The following OTOG variants were observed in gnomAD, a reference collection of about 807,000 sequenced individuals.
OTOG encodes the protein otogelin.
OTOG carries 296 observed loss-of-function variants against 313.8 expected under a neutral mutation model. That is an observed-to-expected ratio of 0.94 (90% CI 0.86 to 1.04). OTOG has a LOEUF of 1.04. Ranked by LOEUF, OTOG falls within the 50% of genes least tolerant of loss-of-function variation. OTOG has a pLI of 0.00. For missense variants in OTOG, 3,948 were observed against 3,840.1 expected (o/e 1.03, Z -0.74); for synonymous variants, 1,533 against 1,554.9 (o/e 0.99, Z 0.33).
In OTOG at chr11:17,612,641, A is replaced by C; in HGVS notation, c.6314A>C (p.Asp2105Ala). 1 of 1,550,484 alleles carries C rather than the reference A, an allele frequency of 6.4e-7. No homozygotes were observed. Among genetic ancestry groups the C allele is most frequent in the Non-Finnish European group, 8.7e-7 (1 of 1,146,930 alleles). The change falls in exon 38 of 56, where the codon GAC becomes GCC. Residue 2105 changes from aspartate (D) to alanine (A), a missense_variant. By Grantham distance (126) the Asp-to-Ala change is moderately radical. Transcript: ENST00000399397. ...CCAGGCCGGTGCTCAATCTTCCCTG[A>C]CCTGAGCTTCGTGACCTTCGATGGG... ...ECACRCSIFP[D>A]LSFVTFDGSH...
In OTOG at chr11:17,596,972, GGGT is replaced by G; in HGVS notation, c.3650_3652del (p.Val1217del). The G allele has an allele frequency of 6.4e-7, 1 of 1,550,554 alleles. No individual in the cohort carries two copies. Among genetic ancestry groups the G allele is most frequent in the South Asian group, 1.2e-5 (1 of 84,052 alleles). ...TATGCCCACCAGTGTTGCCAGCATG[GGGT>G]GGCTGTTGACTGGCGAACCCCCCGC... On this transcript the variant is annotated inframe_deletion, in exon 30 of 56. Coordinates refer to ENST00000399397, the MANE Select transcript of OTOG (RefSeq NM_001292063.2).
Position 17,610,138 on chromosome 11 carries a change from TC to T in OTOG, c.4841del (p.Pro1614ArgfsTer3). 1 of 1,550,562 alleles carries T rather than the reference TC, an allele frequency of 6.4e-7. No individual in the cohort carries two copies. The highest frequency in any genetic ancestry group is 8.7e-7 in the Non-Finnish European group (1 of 1,146,972). On this transcript the variant is annotated frameshift_variant, in exon 36 of 56. Transcript: ENST00000399397. LOFTEE classifies it high-confidence loss of function. ...VSSRSPPAPR[F>X]PLMTKAVTVR... ...TCCCGGTCGCCCCCTGCCCCTCGCT[TC>T]CCGCTCATGACCAAGGCTGTGACAG...
chr11:17,593,175 C>A lies in OTOG; in HGVS notation c.3007-18C>A, dbSNP rs539587218. ...CCTTTCTCCCTTGTTTTATTGGACT[C>A]ACTTATTCTCTCCTCAGAGCACATC... On this transcript the variant is annotated intron_variant, in intron 25 of 55. Transcript: ENST00000399397. The A allele has an allele frequency of 1.9e-6, 3 of 1,547,142 alleles. No homozygotes were observed. The South Asian group carries it at 3.6e-5, about 19-fold the overall frequency.
chr11:17,604,852 C>T (rs11024338), intron 32 of OTOG, among the ~76,000 whole-genome samples: 36,374 of 152,204 alleles, frequency 0.24, 4,738 homozygotes, highest in African/African-American at 0.33. Flanking sequence ...TGGCACGTAG[C>T]GAGTCATGTG....
Position 17,562,056 on chromosome 11 carries a change from T to A in OTOG, c.1644+249T>A, listed in dbSNP as rs1222670772. ...ACTACCTAAAAAAAAAATATATATA[T>A]ATATATATATATATATGTATGTATA... On this transcript the variant is annotated intron_variant, in intron 15 of 55. Transcript: ENST00000399397. Among the ~76,000 whole-genome samples, 1,391 of 142,150 alleles carry A rather than the reference T, an allele frequency of 9.8e-3. 20 individuals are homozygous for A. The highest frequency in any genetic ancestry group is 0.036 in the African/African-American group (1,326 of 36,670). The allele number at this position is 142,150 out of a possible 152,430, so 93.3% of individuals were successfully genotyped here. A position where few individuals can be genotyped will look rare whatever the true frequency, so the allele number is the denominator to read the frequency against.
In OTOG at chr11:17,622,670, G is replaced by A. The variant is rs1853892979; in HGVS notation, c.6529-6463G>A. 2.0e-5 allele frequency among the ~76,000 whole-genome samples: 3 copies of A among 152,176 alleles called. No homozygotes were observed. The South Asian group carries it at 6.2e-4, about 32-fold the overall frequency. ...GACCTCCATTTTCACCCATGTTTTT[G>A]TAAATGACAGAATCTCATATTATTG... On this transcript the variant is annotated intron_variant, in intron 39 of 55. Coordinates refer to ENST00000399397, the MANE Select transcript of OTOG (RefSeq NM_001292063.2).
Position 17,612,756 on chromosome 11 carries a change from T to G in OTOG, c.6429T>G (p.Ser2143Arg). 6.5e-7 allele frequency: 1 copy of G among 1,550,348 alleles called. No homozygotes were observed. Among genetic ancestry groups the G allele is most frequent in the Non-Finnish European group, 8.7e-7 (1 of 1,146,860 alleles). ...CCGTCCATGTACTGGACTGCAAAAGTGCCAACCTGGTGCCTGCCCCATACC... is the reference window on the plus strand; with the variant it reads ...CCGTCCATGTACTGGACTGCAAAAGGGCCAACCTGGTGCCTGCCCCATACC... ...MLTVHVLDCK[S>R]ANLGHLNWPP... Residue 2143 changes from serine (S) to arginine (R), a missense_variant, in exon 38 of 56, where the codon AGT (serine) becomes AGG (arginine). Transcript: ENST00000399397.
chr11:17,630,211 C>T (rs1223634820), intron 40 of OTOG, among the ~76,000 whole-genome samples: 1 of 152,188 alleles, frequency 6.6e-6, no homozygotes, highest in Non-Finnish European at 1.5e-5. Context: ...ATGGTGCTTC[C>T]ATTCTTAAAC....
chr11:17,559,695 C>T (rs1373032105), intron 12 of OTOG, 33 bp downstream of exon 12: 2 of 1,489,014 alleles, frequency 1.3e-6, no homozygotes, highest in Non-Finnish European at 9.0e-7. Context: ...TGCCTGGCAC[C>T]ATCTTCCTGG....
intron 15 of OTOG, among the ~76,000 whole-genome samples, chr11:17,566,779 A>G (rs1274554589): frequency 6.6e-6 from 1 of 152,252 alleles, no homozygotes; most frequent in African/African-American, 2.4e-5. Context: ...CTTTAGTCTT[A>G]TAAATTCTAC....
chr11:17,612,043 C>CT, intron 36 of OTOG, 119 bp from the exon 37 acceptor site: 5 of 1,268,578 alleles, frequency 3.9e-6, no homozygotes, highest in Non-Finnish European at 5.5e-6. Flanking sequence ...GCCTCTTTCC[C>CT]TAGAAGGTCC....
At chr11:17,635,299 G>T in intron 46 of OTOG, 112 bp downstream of exon 46, 1 of 835,508 alleles carries the variant, frequency 1.2e-6, no homozygotes, top group Admixed American at 2.6e-5. Flanking sequence ...CAGATGGGGT[G>T]GGCAAAGGGA....
chr11:17,610,382 C>A lies in OTOG; in HGVS notation c.5082C>A (p.Ser1694Arg). The A allele has an allele frequency of 6.4e-7, 1 of 1,550,612 alleles. No individual in the cohort carries two copies. ...PTQAQSASSP[S>R]TPLTVAGTAA... is the part of the protein sequence containing the mutation. ...AGGCCCAGAGTGCTTCAAGTCCCAG[C>A]ACCCCTCTAACTGTGGCTGGAACAG... The change falls in exon 36 of 56, where the codon AGC (serine) becomes AGA (arginine). Residue 1694 changes from serine to arginine, a missense_variant. Ser to Arg is a moderately radical substitution (Grantham distance 110, BLOSUM62 -1). Transcript: ENST00000399397.
At chr11:17,548,286 C>G in intron 3 of OTOG, 74 bp downstream of exon 3, 1 of 1,348,776 alleles carries the variant, frequency 7.4e-7, no homozygotes, top group Non-Finnish European at 1.0e-6. Flanking sequence ...TGGCAGGGAG[C>G]TCTGTAGGTT....
At chr11:17,558,140 C>A (rs1303047074) in intron 8 of OTOG, 45 bp from the exon 9 acceptor site, 1 of 1,548,046 alleles carries the variant, frequency 6.5e-7, no homozygotes, top group Admixed American at 2.0e-5. Context: ...TCCCATCCAC[C>A]CAACCCCATC....
chr11:17,591,570 CA>C lies in OTOG; in HGVS notation c.2991del (p.Val998CysfsTer14). On this transcript the variant is annotated frameshift_variant, in exon 25 of 56. Transcript: ENST00000399397. LOFTEE classifies it high-confidence loss of function. The part of the protein sequence containing the change: ...GLPFDFVGAC[K>X]VHLVKSTSDV... Reference sequence around the variant, plus strand: ...TCCCGTTTGACTTCGTGGGGGCATGCAAAGTGCACCTGGTCAAGGTGAGTTC... The same window carrying C: ...TCCCGTTTGACTTCGTGGGGGCATGCAAGTGCACCTGGTCAAGGTGAGTTC... 5 of 1,550,660 alleles carry C rather than the reference CA, an allele frequency of 3.2e-6. No homozygotes were observed. The highest frequency in any genetic ancestry group is 4.4e-6 in the Non-Finnish European group (5 of 1,147,022).
chr11:17,643,298 G>T (rs771870908), intron 53 of OTOG, among the ~76,000 whole-genome samples, 163 bp from the exon 54 acceptor site: 1 of 152,250 alleles, frequency 6.6e-6, no homozygotes, highest in African/African-American at 2.4e-5. Context: ...CTTAGCCCCC[G>T]TGGCTCTCCT....
chr11:17,633,463 A>G (rs955489254), intron 42 of OTOG, among the ~76,000 whole-genome samples: 1 of 152,192 alleles, frequency 6.6e-6, no homozygotes, highest in African/African-American at 2.4e-5. Context: ...ATTTGTGAAA[A>G]CAGACAGTGG....
At chr11:17,613,738 C>T (rs1399588572) in intron 39 of OTOG, 37 bp downstream of exon 39, 2 of 1,519,390 alleles carry the variant, frequency 1.3e-6, no homozygotes, top group Non-Finnish European at 1.8e-6. Context: ...AGGGCAGGGC[C>T]ACAGTCAGCT....
Sources: allele counts gnomAD v4.1 joint callset (sites outside exome capture counted in the v4.1 genomes callset), GRCh38; gene constraint gnomAD v4.1.1; transcripts MANE v1.5; gene names NCBI Gene and HGNC (gene_info 2026-07-23, HGNC 2026-07-21).